VPS41: variants seen among roughly 807,000 people sequenced by gnomAD.
The protein encoded by VPS41 is vacuolar protein sorting-associated protein 41 homolog.
Under a neutral mutation model 130.9 loss-of-function variants are expected in VPS41, and 85 were observed. The observed-to-expected ratio is 0.65, with a 90% CI of 0.55 to 0.78. The LOEUF (loss-of-function observed/expected upper bound fraction) is 0.78, where lower values mean the gene tolerates loss of function less well. VPS41 is among the 30% of genes least tolerant of loss of function. The probability of loss-of-function intolerance (pLI) is 0.00; values close to 1 mark genes in which losing one functional copy is unlikely to be tolerated. For synonymous variants in VPS41, 335 were observed against 332.9 expected (o/e 1.01, Z -0.07); for missense variants, 874 against 1,018.7 (o/e 0.86, Z 1.93).
At chr7:38,905,485 T>C (rs970293015) in intron 1 of VPS41, among the ~76,000 whole-genome samples, 2 of 152,208 alleles carry the variant, frequency 1.3e-5, no homozygotes, top group African/African-American at 4.8e-5. Flanking sequence ...AATTTCCCAG[T>C]GACTTATAAA....
At position 38,796,830 on chromosome 7, in the gene VPS41, C is replaced by CA; in HGVS notation, c.484dup (p.Trp162LeufsTer8). 6.2e-7 allele frequency: 1 copy of CA among 1,613,984 alleles called. No homozygotes were observed. The highest frequency in any genetic ancestry group is 2.2e-5 in the East Asian group (1 of 44,874). On this transcript the variant is annotated frameshift_variant, in exon 8 of 29. Coordinates refer to ENST00000310301, the MANE Select transcript of VPS41 (RefSeq NM_014396.4). LOFTEE classifies it high-confidence loss of function. ...CCCTTCATGCAGAACAGCAGACTTC[C>CA]ATCTGTTCATCCAAGACCGTTCAAA...
At chr7:38,862,997 A>G (rs867275325) in intron 3 of VPS41, among the ~76,000 whole-genome samples, 5 of 152,306 alleles carry the variant, frequency 3.3e-5, no homozygotes, top group Middle Eastern at 3.4e-3. Flanking sequence ...AACTCCCCCT[A>G]ATTTATGGCA....
intron 2 of VPS41, among the ~76,000 whole-genome samples, chr7:38,872,515 GC>G (rs1786391425): frequency 6.6e-6 from 1 of 152,120 alleles, no homozygotes; most frequent in Admixed American, 6.6e-5. Context: ...TTATACATAA[GC>G]TATTAGCTGT....
At chr7:38,798,115 C>G (rs965142504) in intron 7 of VPS41, among the ~76,000 whole-genome samples, 3 of 152,082 alleles carry the variant, frequency 2.0e-5, no homozygotes, top group Non-Finnish European at 4.4e-5. Flanking sequence ...CCTTCCTACC[C>G]CCACAGTTAG....
chr7:38,900,162 C>T (rs948500472), intron 1 of VPS41, among the ~76,000 whole-genome samples: 15 of 152,018 alleles, frequency 9.9e-5, no homozygotes, highest in South Asian at 2.1e-4. Flanking sequence ...CACTTGAACC[C>T]GGAAGAATCA....
At chr7:38,752,393 A>G (rs116170273) in intron 21 of VPS41, 80 bp from the exon 22 acceptor site, 4 of 1,552,362 alleles carry the variant, frequency 2.6e-6, no homozygotes, top group Non-Finnish European at 3.5e-6. Flanking sequence ...TTTTAGCTCT[A>G]AACACCTCCC....
At chr7:38,831,666 A>C (rs1367266378) in intron 4 of VPS41, among the ~76,000 whole-genome samples, 1 of 152,266 alleles carries the variant, frequency 6.6e-6, no homozygotes, top group Non-Finnish European at 1.5e-5. Flanking sequence ...AAATCACATT[A>C]TATCATTTGC....
intron 4 of VPS41, chr7:38,831,103 T>A (rs11974046): frequency 0.018 from 7,578 of 428,858 alleles, 143 homozygotes; most frequent in African/African-American, 0.061. Flanking sequence ...AATAAATTCC[T>A]TCCTCAAATT....
chr7:38,733,888 G>A lies in VPS41; in HGVS notation c.2260-5097C>T, dbSNP rs181806068. 1.4e-4 allele frequency among the ~76,000 whole-genome samples: 22 copies of A among 152,204 alleles called. No individual in the cohort carries two copies. The East Asian group carries it at 4.1e-3, about 28-fold the overall frequency. The stretch of plus-strand genomic sequence containing the variant: ...GAGCCCAGGAGTTCAAGCCCAGCCT[G>A]GGCAACATAGTGAGACCCTGTCTCA... On this transcript the variant is annotated intron_variant, in intron 25 of 28. Coordinates refer to ENST00000310301, the MANE Select transcript of VPS41 (RefSeq NM_014396.4).
chr7:38,836,572 T>TGTCATGCAGACTGC (rs1184795048), intron 4 of VPS41, among the ~76,000 whole-genome samples: 6 of 152,270 alleles, frequency 3.9e-5, no homozygotes, highest in Non-Finnish European at 8.8e-5. Context: ...ATTTACCCCA[T>TGTCATGCAGACTGC]GTCATGCAGA....
chr7:38,890,292 G>A (rs1234708360), intron 2 of VPS41, among the ~76,000 whole-genome samples: 4 of 152,176 alleles, frequency 2.6e-5, no homozygotes, highest in African/African-American at 4.8e-5. Context: ...CAAAGGTTAC[G>A]CTCTATATGG....
chr7:38,747,846 A>T (rs1171603133), intron 22 of VPS41, among the ~76,000 whole-genome samples: 2 of 152,252 alleles, frequency 1.3e-5, no homozygotes. Flanking sequence ...GCCATAGAAT[A>T]GCAAGGCTAT....
At chr7:38,851,674 G>C (rs1260646963) in intron 4 of VPS41, among the ~76,000 whole-genome samples, 1 of 152,100 alleles carries the variant, frequency 6.6e-6, no homozygotes. Context: ...CATTCTCTAA[G>C]TTTAGAAAGG....
intron 7 of VPS41, among the ~76,000 whole-genome samples, chr7:38,812,578 A>G (rs1784966071): frequency 6.6e-6 from 1 of 152,174 alleles, no homozygotes; most frequent in Admixed American, 6.5e-5. Flanking sequence ...TGTGCCTCAA[A>G]GGATACCATC....
intron 9 of VPS41, 51 bp downstream of exon 9, chr7:38,795,414 C>T (rs766175116): frequency 1.3e-6 from 2 of 1,551,242 alleles, no homozygotes; most frequent in South Asian, 1.2e-5. Context: ...TTGGACCACC[C>T]TCAGTGGATC....
At chr7:38,861,348 G>A (rs1020380148) in intron 4 of VPS41, among the ~76,000 whole-genome samples, 4 of 152,082 alleles carry the variant, frequency 2.6e-5, no homozygotes, top group East Asian at 1.9e-4. Context: ...CCACAAAAAC[G>A]ACACCTGGCC....
At chr7:38,839,112 A>G (rs1413598400) in intron 4 of VPS41, among the ~76,000 whole-genome samples, 1 of 152,240 alleles carries the variant, frequency 6.6e-6, no homozygotes, top group Non-Finnish European at 1.5e-5. Flanking sequence ...CTAGTTAGCA[A>G]TCTCAACATC....
chr7:38,815,742 A>T (rs1472338398), intron 7 of VPS41, among the ~76,000 whole-genome samples: 1 of 152,118 alleles, frequency 6.6e-6, no homozygotes, highest in Non-Finnish European at 1.5e-5. Context: ...AAAAGACTAG[A>T]CTGGCTTAGC....
chr7:38,833,271 A>G (rs1410550343), intron 4 of VPS41, among the ~76,000 whole-genome samples: 1 of 152,180 alleles, frequency 6.6e-6, no homozygotes, highest in East Asian at 1.9e-4. Context: ...ACTCTACTAG[A>G]AATCTATTCT....
Sources: gnomAD v4.1 joint callset for allele counts (sites outside exome capture counted in the v4.1 genomes callset) on GRCh38, gnomAD v4.1.1 for gene constraint, MANE v1.5 for transcripts, NCBI Gene and HGNC (gene_info 2026-07-23, HGNC 2026-07-21) for gene names.